The following VTI1A variants were observed in gnomAD, a reference collection of about 807,000 sequenced individuals.
VTI1A encodes vesicle transport through interaction with t-SNAREs homolog 1A.
In VTI1A, 22 loss-of-function variants were observed where a neutral mutation model predicts 34.9. The ratio of observed to expected loss-of-function variants is 0.63; its 90% CI spans 0.45 to 0.90. VTI1A has a LOEUF of 0.90. VTI1A is among the 40% of genes least tolerant of loss of function. The pLI is 0.00. For missense variants in VTI1A, 268 were observed against 275.6 expected (o/e 0.97, Z 0.20); for synonymous variants, 87 against 97.3 (o/e 0.89, Z 0.62).
the VTI1A span, among the ~76,000 whole-genome samples, chr10:112,844,163 A>G: frequency 7.4e-3 from 1,126 of 152,326 alleles, 11 homozygotes; most frequent in Non-Finnish European, 0.01. Context: ...CTGGATAAAC[A>G]AAAGGCCCCC....
intron 5 of VTI1A, among the ~76,000 whole-genome samples, chr10:112,619,640 T>G (rs571730715): frequency 6.6e-6 from 1 of 152,312 alleles, no homozygotes; most frequent in South Asian, 2.1e-4. Context: ...CTCTTTAATG[T>G]TTTGCCCAGA....
At chr10:112,831,189 G>C in the VTI1A span, 1 of 152,070 alleles carries the variant, frequency 6.6e-6, no homozygotes, top group Admixed American at 6.6e-5. Flanking sequence ...ATGAATGAAT[G>C]AATGGGAGAG....
chr10:112,617,715 T>C (rs896477856), intron 5 of VTI1A, among the ~76,000 whole-genome samples: 12 of 152,084 alleles, frequency 7.9e-5, no homozygotes, highest in Admixed American at 7.2e-4. Flanking sequence ...CAAATATTCT[T>C]ATTTAAAGAA....
chr10:112,797,368 T>G (rs1008982897), intron 7 of VTI1A, among the ~76,000 whole-genome samples: 1 of 152,134 alleles, frequency 6.6e-6, no homozygotes, highest in African/African-American at 2.4e-5. Context: ...GCAGCCAACA[T>G]TTGCTGGGAA....
At chr10:112,713,614 C>T (rs1200144506) in intron 7 of VTI1A, among the ~76,000 whole-genome samples, 1 of 152,130 alleles carries the variant, frequency 6.6e-6, no homozygotes, top group Non-Finnish European at 1.5e-5. Flanking sequence ...TGTCTGACAC[C>T]TGATACCAGC....
At chr10:112,541,705 T>C (rs183599311) in intron 5 of VTI1A, among the ~76,000 whole-genome samples, 329 of 152,352 alleles carry the variant, frequency 2.2e-3, no homozygotes, top group Non-Finnish European at 4.0e-3. Context: ...TATTTTGTCA[T>C]ATAGGCAGTC....
At chr10:112,673,710 T>C (rs762782590) in intron 7 of VTI1A, among the ~76,000 whole-genome samples, 2 of 152,234 alleles carry the variant, frequency 1.3e-5, no homozygotes, top group Non-Finnish European at 2.9e-5. Context: ...TGGGGAATCA[T>C]TGCCACCTAT....
intron 7 of VTI1A, among the ~76,000 whole-genome samples, chr10:112,778,920 G>T (rs1323206118): frequency 2.0e-5 from 3 of 152,134 alleles, no homozygotes; most frequent in East Asian, 1.9e-4. Context: ...GCACAGGAAA[G>T]AAATATGCAG....
chr10:112,506,848 A>G (rs1849448986), intron 3 of VTI1A, among the ~76,000 whole-genome samples: 1 of 152,004 alleles, frequency 6.6e-6, no homozygotes, highest in Admixed American at 6.6e-5. Flanking sequence ...TATTTATTTC[A>G]CCATCATGTT....
intron 5 of VTI1A, among the ~76,000 whole-genome samples, chr10:112,620,283 T>C (rs186406141): frequency 1.4e-3 from 219 of 152,342 alleles, no homozygotes; most frequent in Non-Finnish European, 2.4e-3. Context: ...TACATTGTAC[T>C]AGGCACTGTG....
chr10:112,785,859 A>G (rs1310426518), intron 7 of VTI1A, among the ~76,000 whole-genome samples: 1 of 152,196 alleles, frequency 6.6e-6, no homozygotes, highest in Non-Finnish European at 1.5e-5. Flanking sequence ...CACCGTCTTG[A>G]TTACAGTAGC....
chr10:112,684,999 G>T (rs528693195), intron 7 of VTI1A, among the ~76,000 whole-genome samples: 10 of 152,060 alleles, frequency 6.6e-5, no homozygotes, highest in Non-Finnish European at 1.3e-4. Flanking sequence ...CTGGCATTTC[G>T]TGTTTCAGAA....
chr10:112,450,485 T>C (rs1435182720), intron 1 of VTI1A: 2 of 152,158 alleles, frequency 1.3e-5, no homozygotes, highest in African/African-American at 4.8e-5. Flanking sequence ...TTAAGAAGGA[T>C]AAAAATTGGA....
At chr10:112,716,973 C>T (rs1383532894) in intron 7 of VTI1A, among the ~76,000 whole-genome samples, 1 of 152,186 alleles carries the variant, frequency 6.6e-6, no homozygotes, top group Non-Finnish European at 1.5e-5. Context: ...GCCATGAATG[C>T]TGCCAGGGCC....
At chr10:112,669,590 A>T (rs1485862289) in intron 7 of VTI1A, among the ~76,000 whole-genome samples, 1 of 152,174 alleles carries the variant, frequency 6.6e-6, no homozygotes, top group East Asian at 1.9e-4. Context: ...TAGATGAATG[A>T]ATGTAGGTAA....
chr10:112,629,394 C>G (rs541861243), intron 5 of VTI1A, among the ~76,000 whole-genome samples: 1 of 152,362 alleles, frequency 6.6e-6, no homozygotes, highest in African/African-American at 2.4e-5. Context: ...TTCCCATTCC[C>G]TGTTTCATCA....
chr10:112,607,944 A>G (rs1845148438), intron 5 of VTI1A, among the ~76,000 whole-genome samples: 1 of 152,176 alleles, frequency 6.6e-6, no homozygotes, highest in African/African-American at 2.4e-5. Context: ...AGAATAGCCA[A>G]GACAAAAGCC....
chr10:112,782,231 T>C (rs566890681), intron 7 of VTI1A, among the ~76,000 whole-genome samples: 11 of 152,344 alleles, frequency 7.2e-5, no homozygotes, highest in South Asian at 6.2e-4. Context: ...CTGGACTCTG[T>C]GTGTCCAGGG....
intron 5 of VTI1A, among the ~76,000 whole-genome samples, chr10:112,637,103 A>G (rs976388725): frequency 2.0e-5 from 3 of 152,220 alleles, no homozygotes; most frequent in African/African-American, 7.2e-5. Flanking sequence ...CAATAGAAAC[A>G]TTAGAAATTG....
Sources: gnomAD v4.1 joint callset for allele counts (sites outside exome capture counted in the v4.1 genomes callset) on GRCh38, gnomAD v4.1.1 for gene constraint, MANE v1.5 for transcripts, NCBI Gene and HGNC (gene_info 2026-07-23, HGNC 2026-07-21) for gene names.